The following CCAR1 variants were observed in gnomAD, a reference collection of about 807,000 sequenced individuals.
CCAR1 encodes cell division cycle and apoptosis regulator protein 1.
Under a neutral mutation model 163.8 loss-of-function variants are expected in CCAR1, and 78 were observed. That is an observed-to-expected ratio of 0.48 (90% CI 0.40 to 0.57). The LOEUF (loss-of-function observed/expected upper bound fraction) is 0.57, where lower values mean the gene tolerates loss of function less well. CCAR1 is among the 20% of genes least tolerant of loss of function. The pLI is 0.00. For synonymous variants in CCAR1, 443 were observed against 460.7 expected, an observed-to-expected ratio of 0.96 and a Z score of 0.49; for missense variants, 1,019 against 1,365.2, an observed-to-expected ratio of 0.75 and a Z score of 4.00.
intron 10 of CCAR1, 71 bp from the exon 11 acceptor site, chr10:68,753,781 C>T: frequency 3.6e-6 from 4 of 1,104,992 alleles, no homozygotes; most frequent in Non-Finnish European, 5.4e-6. Flanking sequence ...GTTATATTTG[C>T]TACAGAATTA....
chr10:68,754,944 G>A (rs2056380406), intron 12 of CCAR1, 117 bp downstream of exon 12: 1 of 625,820 alleles, frequency 1.6e-6, no homozygotes, highest in Non-Finnish European at 2.8e-6. Flanking sequence ...AGTAATTTTA[G>A]TATTAAGGCA....
intron 6 of CCAR1, among the ~76,000 whole-genome samples, chr10:68,743,018 C>A (rs577243115): frequency 1.3e-5 from 2 of 148,384 alleles, no homozygotes; most frequent in East Asian, 4.1e-4. Context: ...TCACAACCTC[C>A]GCCTCCTGGG....
chr10:68,723,322 G>C (rs2055888490), intron 2 of CCAR1, among the ~76,000 whole-genome samples: 1 of 148,986 alleles, frequency 6.7e-6, no homozygotes, highest in Non-Finnish European at 1.5e-5. Flanking sequence ...GTAGAGACGG[G>C]GTTTCACCGT....
intron 6 of CCAR1, among the ~76,000 whole-genome samples, chr10:68,746,030 T>C (rs1270792130): frequency 1.3e-5 from 2 of 151,920 alleles, no homozygotes; most frequent in Non-Finnish European, 2.9e-5. Flanking sequence ...TGGAGTGCAG[T>C]GGTGCAATAT....
intron 19 of CCAR1, among the ~76,000 whole-genome samples, chr10:68,778,018 A>C (rs965069223): frequency 6.6e-6 from 1 of 152,186 alleles, no homozygotes; most frequent in Non-Finnish European, 1.5e-5. Flanking sequence ...CAGGAGTTCG[A>C]GACTAGCCTG....
rs1170323560 is a variant in CCAR1, at chr10:68,756,565, T to A, written c.1836+82T>A. On this transcript the variant is annotated intron_variant, in intron 14 of 24. Transcript: ENST00000265872. This position sits in a 1 kb window ranked among gnomAD's most constrained non-coding sequence, Gnocchi z 5.1. ...GCACAAATGCACACCACACACTACATAATAAACACACATGGAGGAACATAA... is the reference window on the plus strand; with the variant it reads ...GCACAAATGCACACCACACACTACAAAATAAACACACATGGAGGAACATAA... 3.8e-6 allele frequency: 4 copies of A among 1,064,774 alleles called. No homozygotes were observed. In the Admixed American group the frequency reaches 7.9e-5, roughly 21 times the overall value. 66.0% of individuals were successfully genotyped at this position (1,064,774 alleles called of 1,614,324 possible).
At chr10:68,728,312 T>A (rs183540230) in intron 2 of CCAR1, among the ~76,000 whole-genome samples, 9 of 151,528 alleles carry the variant, frequency 5.9e-5, no homozygotes, top group South Asian at 4.2e-4. Flanking sequence ...TTTTTTTTTT[T>A]AATCTTTTTA....
chr10:68,758,608 C>T (rs868469790), intron 15 of CCAR1, among the ~76,000 whole-genome samples: 8 of 101,428 alleles, frequency 7.9e-5, no homozygotes, highest in African/African-American at 1.4e-4. Flanking sequence ...CATATATATA[C>T]GTGTGTGTAT....
intron 2 of CCAR1, among the ~76,000 whole-genome samples, chr10:68,727,472 T>C (rs925930948): frequency 1.3e-5 from 2 of 152,270 alleles, no homozygotes; most frequent in African/African-American, 2.4e-5. Flanking sequence ...GAATTGTGGT[T>C]CATTTTATCT....
chr10:68,726,402 C>T (rs1257112986), intron 2 of CCAR1, among the ~76,000 whole-genome samples: 6 of 151,954 alleles, frequency 3.9e-5, no homozygotes, highest in African/African-American at 9.7e-5. Context: ...CCGCCCACCT[C>T]GGCCTCCCAA....
chr10:68,758,948 A>G (rs1404470535), intron 15 of CCAR1, among the ~76,000 whole-genome samples: 2 of 152,052 alleles, frequency 1.3e-5, no homozygotes, highest in African/African-American at 4.8e-5. Flanking sequence ...CTGGGATTAC[A>G]GATGTGATCC....
At chr10:68,775,021 A>G (rs1265510211) in intron 19 of CCAR1, 4 of 353,310 alleles carry the variant, frequency 1.1e-5, no homozygotes, top group Non-Finnish European at 2.1e-5. Context: ...TCTCTCTACC[A>G]TATCAGTTTT....
At chr10:68,725,965 T>G (rs2055938299) in intron 2 of CCAR1, among the ~76,000 whole-genome samples, 1 of 151,856 alleles carries the variant, frequency 6.6e-6, no homozygotes, top group Non-Finnish European at 1.5e-5. Context: ...ACTCAAAAAT[T>G]AGCCAGGTGT....
intron 10 of CCAR1, among the ~76,000 whole-genome samples, chr10:68,750,993 A>G (rs1589166148): frequency 6.7e-6 from 1 of 149,870 alleles, no homozygotes; most frequent in African/African-American, 2.5e-5. Context: ...ATTTACTCTT[A>G]CTTATGGTCA....
chr10:68,749,370 T>C, intron 9 of CCAR1, 105 bp downstream of exon 9: 1 of 1,295,784 alleles, frequency 7.7e-7, no homozygotes, highest in Non-Finnish European at 1.0e-6. Context: ...TTTAAAATGG[T>C]AAATTTTATG....
intron 4 of CCAR1, 98 bp downstream of exon 4, chr10:68,737,987 CAT>C (rs2056134141): frequency 3.8e-6 from 3 of 799,638 alleles, no homozygotes; most frequent in Non-Finnish European, 6.0e-6. Flanking sequence ...GCTACCTTAA[CAT>C]GTGATACAAA....
At position 68,754,598 on chromosome 10, in the gene CCAR1, CT is replaced by C. The variant is rs1396363310; in HGVS notation, c.1345-114del. 25 of 604,740 alleles carry C rather than the reference CT, an allele frequency of 4.1e-5. No homozygotes were observed. In the South Asian group the frequency reaches 4.3e-4, roughly 10 times the overall value. The allele number at this position is 604,740 out of a possible 1,614,324, so 37.5% of individuals were successfully genotyped here. A position where few individuals can be genotyped will look rare whatever the true frequency, so the allele number is the denominator to read the frequency against. Reference sequence around the variant, plus strand: ...TAATACTGTTTCTGCTATAGTATTACTTCCTATTTTTATTTAAATTTCAGAC... The same window carrying C: ...TAATACTGTTTCTGCTATAGTATTACTCCTATTTTTATTTAAATTTCAGAC... On this transcript the variant is annotated intron_variant, in intron 11 of 24. Coordinates refer to ENST00000265872, the MANE Select transcript of CCAR1 (RefSeq NM_018237.4).
intron 16 of CCAR1, among the ~76,000 whole-genome samples, chr10:68,763,394 C>A (rs2133382243): frequency 6.6e-6 from 1 of 151,948 alleles, no homozygotes; most frequent in Admixed American, 6.6e-5. Flanking sequence ...CGTGATCCAC[C>A]CGCCTCAGCC....
In CCAR1 at chr10:68,788,018, A is replaced by G. The variant is rs2056814816; in HGVS notation, c.2972A>G (p.Glu991Gly). 3 of 1,609,432 alleles carry G rather than the reference A, an allele frequency of 1.9e-6. No homozygotes were observed. Among genetic ancestry groups the G allele is most frequent in the Non-Finnish European group, 8.5e-7 (1 of 1,178,538 alleles). Residue 991 changes from glutamate (E) to glycine (G), a missense_variant, in exon 22 of 25, where the codon GAG becomes GGG. Transcript: ENST00000265872. The part of the protein sequence containing the change: ...DTSKDEENHE[E>G]SESLQEDMLG... ...TCAAAAGATGAAGAGAACCATGAAGAGTCTGAGTCATTGCAGGAAGATATG... is the reference window on the plus strand; with the variant it reads ...TCAAAAGATGAAGAGAACCATGAAGGGTCTGAGTCATTGCAGGAAGATATG...
Sources: allele counts gnomAD v4.1 joint callset (sites outside exome capture counted in the v4.1 genomes callset), GRCh38; gene constraint gnomAD v4.1.1; non-coding constraint Gnocchi (gnomAD v3.1); transcripts MANE v1.5; gene names NCBI Gene and HGNC (gene_info 2026-07-23, HGNC 2026-07-21).